HTT: variants seen among roughly 807,000 people sequenced by gnomAD.
The protein encoded by HTT is huntingtin.
HTT carries 104 observed loss-of-function variants against 362.3 expected under a neutral mutation model. That is an observed-to-expected ratio of 0.29 (90% CI 0.24 to 0.34). HTT has a LOEUF of 0.34. HTT is among the 10% of genes least tolerant of loss of function. HTT has a pLI of 1.00. For missense variants in HTT, 3,301 were observed against 3,928.6 expected (o/e 0.84, Z 4.27); for synonymous variants, 1,577 against 1,548.7 (o/e 1.02, Z -0.43).
chr4:3,234,438 C>G (rs1721423235), intron 61 of HTT, among the ~76,000 whole-genome samples: 1 of 152,278 alleles, frequency 6.6e-6, no homozygotes, highest in South Asian at 2.1e-4. Flanking sequence ...ACACGGGGCA[C>G]AGGCCTGCAA....
At chr4:3,097,241 A>G (rs1713899811) in intron 2 of HTT, among the ~76,000 whole-genome samples, 1 of 152,258 alleles carries the variant, frequency 6.6e-6, no homozygotes, top group Non-Finnish European at 1.5e-5. Context: ...AAGAACATCA[A>G]TAAATTGGTA....
chr4:3,074,913 CA>C lies in HTT; in HGVS notation c.89del (p.Gln30ArgfsTer71). On this transcript the variant is annotated frameshift_variant, in exon 1 of 67. Transcript: ENST00000355072. LOFTEE classifies it high-confidence loss of function. ...GCAGCAGCAGCAGCAGCAGCAGCAGCAGCAGCAGCAGCAGCAGCAGCAACAG... is the reference window on the plus strand; with the variant it reads ...GCAGCAGCAGCAGCAGCAGCAGCAGCGCAGCAGCAGCAGCAGCAGCAACAG... The part of the protein sequence containing the change: ...QQQQQQQQQQ[Q>X]QQQQQQQQPP... 1 of 1,499,168 alleles carries C rather than the reference CA, an allele frequency of 6.7e-7. No individual in the cohort carries two copies. 92.9% of individuals were successfully genotyped at this position (1,499,168 alleles called of 1,614,324 possible). A position where few individuals can be genotyped will look rare whatever the true frequency, so the allele number is the denominator to read the frequency against.
chr4:3,110,977 T>C (rs1431551114), intron 6 of HTT, among the ~76,000 whole-genome samples: 1 of 152,158 alleles, frequency 6.6e-6, no homozygotes, highest in Non-Finnish European at 1.5e-5. Flanking sequence ...TTTTTAGATA[T>C]CCATCTCAAA....
chr4:3,129,036 A>G (rs1715664530), intron 12 of HTT: 1 of 152,168 alleles, frequency 6.6e-6, no homozygotes, highest in African/African-American at 2.4e-5. Context: ...TATTTGTTTT[A>G]CTTAGCATAA....
intron 21 of HTT, among the ~76,000 whole-genome samples, chr4:3,139,404 G>A (rs1716230532): frequency 6.6e-6 from 1 of 152,074 alleles, no homozygotes; most frequent in Non-Finnish European, 1.5e-5. Context: ...TGCCATGTTG[G>A]CCGGGCTGAT....
chr4:3,162,786 ACTTTG>A (rs1475803161), intron 29 of HTT, among the ~76,000 whole-genome samples: 1 of 152,160 alleles, frequency 6.6e-6, no homozygotes, highest in African/African-American at 2.4e-5. Flanking sequence ...GTATCCTGAG[ACTTTG>A]CTGAAGTTGC....
At chr4:3,143,347 G>A (rs960114617) in intron 23 of HTT, among the ~76,000 whole-genome samples, 1 of 145,460 alleles carries the variant, frequency 6.9e-6, no homozygotes, top group East Asian at 2.2e-4. Context: ...TGAGGCAGGA[G>A]AATCGCTTGA....
At chr4:3,155,962 C>T (rs1717124576) in intron 27 of HTT, among the ~76,000 whole-genome samples, 1 of 151,956 alleles carries the variant, frequency 6.6e-6, no homozygotes, top group African/African-American at 2.4e-5. Flanking sequence ...TGTGCATCAC[C>T]TCACGTATCA....
At position 3,115,345 on chromosome 4, in the gene HTT, C is replaced by T; in HGVS notation, c.789C>T (p.Ser263=). Reference sequence around the variant, plus strand: ...TCATAGCGAACCTGAAGTCAAGCTCCCCCACCATTCGGCGGACAGCGGCTG... The same window carrying T: ...TCATAGCGAACCTGAAGTCAAGCTCTCCCACCATTCGGCGGACAGCGGCTG... ...KAFIANLKSS[S]PTIRRTAAGS... Residue 263 remains serine (S), a synonymous_variant, in exon 7 of 67, where the codon TCC becomes TCT. Transcript: ENST00000355072. The T allele has an allele frequency of 6.2e-7, 1 of 1,614,122 alleles. No homozygotes were observed. The highest frequency in any genetic ancestry group is 8.5e-7 in the Non-Finnish European group (1 of 1,180,008).
chr4:3,176,185 G>A (rs555661324), intron 33 of HTT, among the ~76,000 whole-genome samples: 18 of 151,978 alleles, frequency 1.2e-4, no homozygotes, highest in Non-Finnish European at 2.4e-4. Context: ...CCACCACTAC[G>A]CCAGGCTAAT....
Position 3,212,107 on chromosome 4 carries a change from C to T in HTT, c.6593C>T (p.Pro2198Leu), listed in dbSNP as rs777249004. Residue 2198 changes from proline (P) to leucine (L), a missense_variant, in exon 48 of 67, where the codon CCG (proline) becomes CTG (leucine). By Grantham distance (98) the Pro-to-Leu change is moderately conservative (BLOSUM62 -3). Around this residue, in one of 4 missense-constraint regions of HTT, gnomAD observed 220 missense variants for 218.5 expected, o/e 1.01. Coordinates refer to ENST00000355072, the MANE Select transcript of HTT (RefSeq NM_001388492.1). The part of the protein sequence containing the change: ...HVFQPELPAE[P>L]AAYWSKLNDL... The stretch of plus-strand genomic sequence containing the variant: ...TTCCAGCCCGAGCTGCCTGCAGAGC[C>T]GGCGGCCTACTGGAGCAAGTTGAAT... 25 of 1,613,600 alleles carry T rather than the reference C, an allele frequency of 1.5e-5. No homozygotes were observed. Among genetic ancestry groups the T allele is most frequent in the African/African-American group, 2.7e-5 (2 of 74,910 alleles).
chr4:3,166,812 A>C (rs1467961369), intron 29 of HTT, among the ~76,000 whole-genome samples: 1 of 152,248 alleles, frequency 6.6e-6, no homozygotes, highest in Non-Finnish European at 1.5e-5. Flanking sequence ...GTATTTGGGC[A>C]GGAGTGTACT....
chr4:3,204,506 C>G (rs1016674560), intron 42 of HTT, among the ~76,000 whole-genome samples: 2 of 152,120 alleles, frequency 1.3e-5, no homozygotes, highest in Non-Finnish European at 2.9e-5. Context: ...AGTGCATTGA[C>G]TGTAGTGGGG....
At chr4:3,093,904 GGTTTTT>G (rs1713660696) in intron 2 of HTT, among the ~76,000 whole-genome samples, 1 of 41,334 alleles carries the variant, frequency 2.4e-5, no homozygotes, top group African/African-American at 7.8e-5. Flanking sequence ...CCTTTAAGTT[GGTTTTT>G]TTTTTTTTTT....
chr4:3,130,248 A>C (rs1019470938), intron 13 of HTT, 57 bp from the exon 14 acceptor site: 19 of 1,145,306 alleles, frequency 1.7e-5, no homozygotes, highest in Non-Finnish European at 2.3e-5. Flanking sequence ...GCATAAATGT[A>C]TAATTGTATT....
chr4:3,225,673 G>A lies in HTT; in HGVS notation c.7778G>A (p.Ser2593Asn), dbSNP rs751506825. ...CTGGTGTTCACAGGTGCCCTCATCA[G>A]CCACGAGAAGCTGCTGCTACAGATC... ...LSPATTGALISHEKLLLQINP... is the reference protein window; with the variant it reads ...LSPATTGALINHEKLLLQINP... Residue 2593 changes from serine (S) to asparagine (N), a missense_variant, in exon 57 of 67, where the codon AGC becomes AAC. Physicochemically the swap from Ser to Asn is conservative, Grantham distance 46 (BLOSUM62 1). Around this residue, in one of 4 missense-constraint regions of HTT, gnomAD observed 753 missense variants for 1,021.3 expected, o/e 0.74. Coordinates refer to ENST00000355072, the MANE Select transcript of HTT (RefSeq NM_001388492.1). 6.2e-7 allele frequency: 1 copy of A among 1,614,066 alleles called. No individual in the cohort carries two copies. The highest frequency in any genetic ancestry group is 8.5e-7 in the Non-Finnish European group (1 of 1,179,972).
chr4:3,124,276 G>A (rs1715422859), intron 10 of HTT, among the ~76,000 whole-genome samples: 13 of 152,186 alleles, frequency 8.5e-5, no homozygotes, highest in Admixed American at 8.5e-4. Context: ...CGGTGAGAAC[G>A]AAGATGACTG....
intron 6 of HTT, 52 bp downstream of exon 6, chr4:3,107,475 C>T: frequency 6.3e-7 from 1 of 1,594,310 alleles, no homozygotes; most frequent in Non-Finnish European, 8.6e-7. Context: ...GTGAGTGAGT[C>T]TGTGGAGGGT....
At position 3,212,089 on chromosome 4, in the gene HTT, C is replaced by A. The variant is rs1461683477; in HGVS notation, c.6575C>A (p.Pro2192His). Residue 2192 changes from proline (P) to histidine (H), a missense_variant, in exon 48 of 67, where the codon CCC becomes CAC. Transcript: ENST00000355072. ...CCTGCTGTCCATCATGTCTTCCAGC[C>A]CGAGCTGCCTGCAGAGCCGGCGGCC... is the stretch of plus-strand genomic sequence containing the variant. Reference protein sequence around the residue: ...QLPAVHHVFQPELPAEPAAYW... With the variant: ...QLPAVHHVFQHELPAEPAAYW... 4 of 1,613,968 alleles carry A rather than the reference C, an allele frequency of 2.5e-6. No individual in the cohort carries two copies. The East Asian group carries it at 8.9e-5, about 36-fold the overall frequency.
Sources: gnomAD v4.1 joint callset for allele counts (sites outside exome capture counted in the v4.1 genomes callset) on GRCh38, gnomAD v4.1.1 for gene constraint, gnomAD v4.1.1 regional missense constraint, MANE v1.5 for transcripts, NCBI Gene and HGNC (gene_info 2026-07-23, HGNC 2026-07-21) for gene names.